The following LRRTM4 variants were observed in gnomAD, a reference collection of about 807,000 sequenced individuals.
LRRTM4 encodes leucine-rich repeat transmembrane neuronal protein 4.
A neutral mutation model predicts 47.6 loss-of-function variants in LRRTM4; 25 were observed. The observed-to-expected ratio is 0.53, with a 90% CI of 0.38 to 0.73. The LOEUF (loss-of-function observed/expected upper bound fraction) is 0.73, where lower values mean the gene tolerates loss of function less well. Ranked by LOEUF, LRRTM4 falls within the 30% of genes least tolerant of loss-of-function variation. LRRTM4 has a pLI of 0.00. For synonymous variants in LRRTM4, 311 were observed against 269.5 expected (o/e 1.15, Z -1.51); for missense variants, 638 against 713.4 (o/e 0.89, Z 1.20).
At chr2:77,360,961 A>G (rs1190011939) in intron 3 of LRRTM4, among the ~76,000 whole-genome samples, 1 of 152,028 alleles carries the variant, frequency 6.6e-6, no homozygotes, top group Non-Finnish European at 1.5e-5. Context: ...CCCACCATTT[A>G]TCCCAGACTA....
At chr2:77,252,744 C>A (rs985813666) in intron 3 of LRRTM4, among the ~76,000 whole-genome samples, 1 of 152,038 alleles carries the variant, frequency 6.6e-6, no homozygotes, top group African/African-American at 2.4e-5. Flanking sequence ...CTAAGAAAAA[C>A]GTTGCGTGCC....
At chr2:77,018,140 A>T (rs879001617) in intron 3 of LRRTM4, among the ~76,000 whole-genome samples, 3 of 151,416 alleles carry the variant, frequency 2.0e-5, no homozygotes, top group Admixed American at 1.3e-4. Flanking sequence ...TCTAGTTTCA[A>T]TTTCAAATAT....
intron 3 of LRRTM4, among the ~76,000 whole-genome samples, chr2:76,964,075 T>G (rs539135589): frequency 1.5e-4 from 23 of 150,888 alleles, no homozygotes; most frequent in African/African-American, 5.1e-4. Context: ...CAAATAAATC[T>G]TCATAGAAGT....
At chr2:76,956,553 T>C (rs1257253365) in intron 3 of LRRTM4, among the ~76,000 whole-genome samples, 1 of 150,412 alleles carries the variant, frequency 6.6e-6, no homozygotes, top group Non-Finnish European at 1.5e-5. Flanking sequence ...CTCAAAGAAC[T>C]AGAAAAATAA....
chr2:76,914,616 G>T (rs1379083819), intron 3 of LRRTM4, among the ~76,000 whole-genome samples: 3 of 152,214 alleles, frequency 2.0e-5, no homozygotes, highest in Admixed American at 6.5e-5. Flanking sequence ...GTAGAGAATT[G>T]CATGTGTAAA....
At chr2:77,418,741 G>A (rs1674746069) in intron 3 of LRRTM4, among the ~76,000 whole-genome samples, 1 of 152,160 alleles carries the variant, frequency 6.6e-6, no homozygotes. Flanking sequence ...TCCAGCCTGA[G>A]TTGTTTTTCT....
chr2:77,446,572 T>C (rs1304522282), intron 3 of LRRTM4, among the ~76,000 whole-genome samples: 1 of 152,120 alleles, frequency 6.6e-6, no homozygotes, highest in Non-Finnish European at 1.5e-5. Context: ...TTGTGGGGCC[T>C]AATTTGACCT....
chr2:77,285,221 C>T (rs1162739442), intron 3 of LRRTM4, among the ~76,000 whole-genome samples: 1 of 151,110 alleles, frequency 6.6e-6, no homozygotes, highest in Admixed American at 6.6e-5. Context: ...CACAAATTCT[C>T]TTTAAAAAGC....
rs181941712 is a variant in LRRTM4, at chr2:77,206,577, C to T, written c.1551+311741G>A. Among the ~76,000 whole-genome samples the T allele has an allele frequency of 6.3e-3, 951 of 151,868 alleles. 4 individuals are homozygous for T. Among genetic ancestry groups the T allele is most frequent in the Non-Finnish European group, 0.01 (708 of 67,922 alleles). On this transcript the variant is annotated intron_variant, in intron 3 of 3. Transcript: ENST00000409884. ...TCTGCTCACTATAACCTCCGCCTCC[C>T]GGGTTCAAGAGATTCTCATGCCTCA...
intron 3 of LRRTM4, among the ~76,000 whole-genome samples, chr2:77,049,145 T>TAC (rs1679339268): frequency 7.5e-6 from 1 of 133,860 alleles, no homozygotes; most frequent in Non-Finnish European, 1.5e-5. Context: ...TATATATATA[T>TAC]ATATATATAT....
intron 3 of LRRTM4, among the ~76,000 whole-genome samples, chr2:77,357,867 A>G (rs1019787799): frequency 1.3e-5 from 2 of 152,180 alleles, no homozygotes; most frequent in Non-Finnish European, 2.9e-5. Flanking sequence ...TGGGTAAAAA[A>G]TAATAGAAAA....
intron 3 of LRRTM4, among the ~76,000 whole-genome samples, chr2:77,371,428 C>T (rs1672652274): frequency 6.6e-6 from 1 of 151,682 alleles, no homozygotes. Flanking sequence ...GAACTGTCCC[C>T]TTTCCTCAAA....
intron 3 of LRRTM4, among the ~76,000 whole-genome samples, chr2:77,248,333 A>T (rs992949076): frequency 1.3e-5 from 2 of 152,036 alleles, no homozygotes; most frequent in Non-Finnish European, 2.9e-5. Flanking sequence ...AAATAGATAT[A>T]AATCTAACAA....
At chr2:77,467,636 C>T (rs1221470001) in intron 3 of LRRTM4, among the ~76,000 whole-genome samples, 1 of 151,938 alleles carries the variant, frequency 6.6e-6, no homozygotes, top group Non-Finnish European at 1.5e-5. Context: ...AAAAATAGGC[C>T]CAAGCACAGC....
In LRRTM4 at chr2:77,463,786, C is replaced by T. The variant is rs145083229; in HGVS notation, c.1551+54532G>A. 4.3e-3 allele frequency among the ~76,000 whole-genome samples: 657 copies of T among 152,138 alleles called. 5 individuals are homozygous for T. Among genetic ancestry groups the T allele is most frequent in the Admixed American group, 7.5e-3 (114 of 15,244 alleles). ...TGCAACAGCAGCTGTAGTGATATAT[C>T]GAATAGTGTTAGCATAGCAGGGAAT... is the stretch of plus-strand genomic sequence containing the variant. On this transcript the variant is annotated intron_variant, in intron 3 of 3. Coordinates refer to ENST00000409884, the MANE Select transcript of LRRTM4 (RefSeq NM_001134745.3).
intron 3 of LRRTM4, among the ~76,000 whole-genome samples, chr2:77,126,669 T>C (rs569542011): frequency 9.2e-5 from 14 of 152,170 alleles, no homozygotes; most frequent in Non-Finnish European, 1.8e-4. Context: ...GGAAGTGACA[T>C]AGGGGTCTTG....
At chr2:77,310,759 A>G (rs1218790833) in intron 3 of LRRTM4, among the ~76,000 whole-genome samples, 1 of 152,310 alleles carries the variant, frequency 6.6e-6, no homozygotes, top group East Asian at 1.9e-4. Context: ...CAATGTGTCA[A>G]TACCTGTACA....
chr2:76,797,599 A>G (rs1423160660), intron 3 of LRRTM4, among the ~76,000 whole-genome samples: 4 of 151,844 alleles, frequency 2.6e-5, no homozygotes, highest in Admixed American at 2.6e-4. Context: ...TGACAGGATC[A>G]AATTCACACA....
chr2:77,092,968 C>G (rs1436765924), intron 3 of LRRTM4, among the ~76,000 whole-genome samples: 1 of 147,886 alleles, frequency 6.8e-6, no homozygotes, highest in Non-Finnish European at 1.5e-5. Flanking sequence ...TTTCCCTTCT[C>G]AGAATTCAGG....
Sources: gnomAD v4.1 joint callset for allele counts (sites outside exome capture counted in the v4.1 genomes callset) on GRCh38, gnomAD v4.1.1 for gene constraint, MANE v1.5 for transcripts, NCBI Gene and HGNC (gene_info 2026-07-23, HGNC 2026-07-21) for gene names.